DIAPH2: variants seen among roughly 807,000 people sequenced by gnomAD.
DIAPH2 encodes diaphanous related formin 2, also known as protein diaphanous homolog 2.
DIAPH2 carries 35 observed loss-of-function variants against 92.7 expected under a neutral mutation model. The observed-to-expected ratio is 0.38, with a 90% CI of 0.29 to 0.50. The LOEUF is 0.50. DIAPH2 is among the 20% of genes least tolerant of loss of function. The pLI, the probability that DIAPH2 is intolerant of heterozygous loss-of-function variation, is 0.94. For synonymous variants in DIAPH2, 301 were observed against 280.4 expected (o/e 1.07, Z -0.73); for missense variants, 701 against 819.5 (o/e 0.86, Z 1.77).
chrX:97,012,232 C>T (rs1229621568), intron 17 of DIAPH2, among the ~76,000 whole-genome samples: 1 of 111,991 alleles, frequency 8.9e-6, no homozygotes, highest in Non-Finnish European at 1.9e-5. Context: ...GGTGAATGAC[C>T]TCAATGATCA....
intron 23 of DIAPH2, among the ~76,000 whole-genome samples, chrX:97,323,627 G>T (rs1293499490): frequency 9.9e-6 from 1 of 101,011 alleles, no homozygotes; most frequent in African/African-American, 3.6e-5. Context: ...TCAGGGACCG[G>T]GTGCGGTGGC....
chrX:97,153,851 G>C (rs886858788), intron 22 of DIAPH2, among the ~76,000 whole-genome samples: 1 of 110,853 alleles, frequency 9.0e-6, no homozygotes, highest in Non-Finnish European at 1.9e-5. Flanking sequence ...ATCCTATTTT[G>C]TTAGGATATC....
In DIAPH2 at chrX:97,188,992, A is replaced by G. The variant is rs752989359; in HGVS notation, c.2719+47198A>G. Among the ~76,000 whole-genome samples, 4 of 111,767 alleles carry G rather than the reference A, an allele frequency of 3.6e-5. No homozygotes were observed. In the South Asian group the frequency reaches 1.5e-3, roughly 42 times the overall value. On this transcript the variant is annotated intron_variant, in intron 22 of 26. Transcript: ENST00000324765. ...TGGATATATATGAGCATGTGAGGAC[A>G]GGGTGCCAGTGGAAAGCTAAGAAAA...
chrX:97,422,400 C>G, intron 25 of DIAPH2, among the ~76,000 whole-genome samples: 1 of 111,355 alleles, frequency 9.0e-6, no homozygotes, highest in East Asian at 2.8e-4. Context: ...TCTTCCCTAA[C>G]TCCTCAAGCC....
intron 4 of DIAPH2, among the ~76,000 whole-genome samples, chrX:96,798,674 A>G (rs1236994287): frequency 7.2e-5 from 8 of 111,734 alleles, no homozygotes; most frequent in Non-Finnish European, 3.8e-5. Context: ...ACATTGTTGA[A>G]TGTTGGAATT....
At chrX:97,477,453 G>A (rs1209924059) in intron 26 of DIAPH2, among the ~76,000 whole-genome samples, 2 of 111,175 alleles carry the variant, frequency 1.8e-5, no homozygotes, top group African/African-American at 6.6e-5. Context: ...GGTGAAACCC[G>A]TCTGTACTAA....
Position 97,603,200 on chromosome X carries a change from G to T in DIAPH2, c.*3883G>T, listed in dbSNP as rs1363623575. The T allele has an allele frequency of 9.3e-6, 1 of 106,968 alleles. No homozygotes were observed. Among genetic ancestry groups the T allele is most frequent in the African/African-American group, 3.4e-5 (1 of 29,196 alleles). 8.8% of individuals were successfully genotyped at this position (106,968 alleles called of 1,213,427 possible). On this transcript the variant is annotated 3_prime_UTR_variant, in exon 27 of 27. Coordinates refer to ENST00000324765, the MANE Select transcript of DIAPH2 (RefSeq NM_006729.5). ...TGAATTCAGGCTCAGAATTTACCCA[G>T]TCATCAGATACTGATTCCTTTTGTC... is the stretch of plus-strand genomic sequence containing the variant.
At chrX:96,937,860 C>A (rs2065668015) in intron 11 of DIAPH2, among the ~76,000 whole-genome samples, 1 of 111,816 alleles carries the variant, frequency 8.9e-6, no homozygotes, top group Non-Finnish European at 1.9e-5. Flanking sequence ...GTAGAAGCAT[C>A]TGAGTCAAAT....
At position 97,334,472 on chromosome X, in the gene DIAPH2, A is replaced by AAAAAACC. The variant is rs1556028857; in HGVS notation, c.2845-13639_2845-13638insCCAAAAA. Among the ~76,000 whole-genome samples, 25 of 84,434 alleles carry AAAAAACC rather than the reference A, an allele frequency of 3.0e-4. No individual in the cohort carries two copies. In the East Asian group the frequency reaches 6.6e-3, roughly 22 times the overall value. 73.3% of individuals were successfully genotyped at this position (84,434 alleles called of 115,157 possible). ...AGCAAGACTCCGTCTCAAAAAAAAAAAAAAAACAAAAAACAATTCTAGATA... is the reference window on the plus strand; with the variant it reads ...AGCAAGACTCCGTCTCAAAAAAAAAAAAAAACCAAAAAACAAAAAACAATTCTAGATA... On this transcript the variant is annotated intron_variant, in intron 23 of 26. Coordinates refer to ENST00000324765, the MANE Select transcript of DIAPH2 (RefSeq NM_006729.5).
At chrX:97,278,269 C>T (rs1439872970) in intron 23 of DIAPH2, among the ~76,000 whole-genome samples, 1 of 111,998 alleles carries the variant, frequency 8.9e-6, no homozygotes, top group Non-Finnish European at 1.9e-5. Context: ...CTTTCAGTTT[C>T]CCTATTATTA....
At chrX:97,191,849 T>A (rs1321228709) in intron 22 of DIAPH2, among the ~76,000 whole-genome samples, 1 of 111,199 alleles carries the variant, frequency 9.0e-6, no homozygotes, top group Non-Finnish European at 1.9e-5. Context: ...AAATAAGTGC[T>A]GAAAAGATGA....
chrX:97,113,578 G>C lies in DIAPH2; in HGVS notation c.2350-1148G>C, dbSNP rs1220414742. On this transcript the variant is annotated intron_variant, in intron 20 of 26. Coordinates refer to ENST00000324765, the MANE Select transcript of DIAPH2 (RefSeq NM_006729.5). ...GCAGAGGTTCATATTTGGAGAGGCA[G>C]ATGTTCATGGTTAATGGGCAAATTC... Among the ~76,000 whole-genome samples the C allele has an allele frequency of 1.2e-4, 14 of 112,308 alleles. No individual in the cohort carries two copies. In the Admixed American group the frequency reaches 1.3e-3, roughly 11 times the overall value.
At chrX:97,010,006 G>A (rs915470229) in intron 17 of DIAPH2, among the ~76,000 whole-genome samples, 1 of 111,863 alleles carries the variant, frequency 8.9e-6, no homozygotes, top group Admixed American at 9.5e-5. Context: ...ACACCAGGAG[G>A]AGTTGCCCAG....
Position 97,600,398 on chromosome X carries a change from AAAAG to A in DIAPH2, c.*1085_*1088del, listed in dbSNP as rs2071585776. ...TTTCACTTTGGTGGTCTGAAGAAGA[AAAAG>A]AAATTTTATGTATGTATGTGTAAAT... On this transcript the variant is annotated 3_prime_UTR_variant, in exon 27 of 27. Transcript: ENST00000324765. 1 of 109,541 alleles carries A rather than the reference AAAAG, an allele frequency of 9.1e-6. No homozygotes were observed. Among genetic ancestry groups the A allele is most frequent in the African/African-American group, 3.6e-5 (1 of 28,074 alleles). The allele number at this position is 109,541 out of a possible 1,213,427, so 9.0% of individuals were successfully genotyped here. A position where few individuals can be genotyped will look rare whatever the true frequency, so the allele number is the denominator to read the frequency against.
intron 22 of DIAPH2, among the ~76,000 whole-genome samples, chrX:97,237,613 G>C (rs2068058292): frequency 9.3e-6 from 1 of 107,026 alleles, no homozygotes; most frequent in African/African-American, 3.4e-5. Flanking sequence ...AGTCTCTCTC[G>C]CTCTGTCGCC....
intron 1 of DIAPH2, among the ~76,000 whole-genome samples, chrX:96,700,087 C>T (rs757991438): frequency 8.9e-6 from 1 of 112,063 alleles, no homozygotes; most frequent in East Asian, 2.8e-4. Context: ...TGGCTCACTG[C>T]AGCCTCGACC....
At chrX:96,779,446 G>C (rs1653717062) in intron 4 of DIAPH2, among the ~76,000 whole-genome samples, 1 of 111,984 alleles carries the variant, frequency 8.9e-6, no homozygotes, top group Admixed American at 9.5e-5. Flanking sequence ...ACATTAGACA[G>C]GTGCAGTGGA....
chrX:96,943,788 T>C (rs2065721581), intron 13 of DIAPH2, among the ~76,000 whole-genome samples: 1 of 111,546 alleles, frequency 9.0e-6, no homozygotes, highest in South Asian at 3.7e-4. Flanking sequence ...TATGATTCTT[T>C]ACTATTAATC....
At chrX:97,334,001 G>GTT (rs2069025183) in intron 23 of DIAPH2, among the ~76,000 whole-genome samples, 1 of 111,156 alleles carries the variant, frequency 9.0e-6, no homozygotes, top group African/African-American at 3.3e-5. Context: ...CTAAAAACAG[G>GTT]TAAGGTCATG....
Sources: gnomAD v4.1 joint callset for allele counts (sites outside exome capture counted in the v4.1 genomes callset) on GRCh38, gnomAD v4.1.1 for gene constraint, MANE v1.5 for transcripts, NCBI Gene and HGNC (gene_info 2026-07-23, HGNC 2026-07-21) for gene names.